ASZ1: variants seen among roughly 807,000 people sequenced by gnomAD.
ASZ1 encodes the protein ankyrin repeat, SAM and basic leucine zipper domain-containing protein 1.
ASZ1 carries 67 observed loss-of-function variants against 61.8 expected under a neutral mutation model. The ratio of observed to expected loss-of-function variants is 1.08; its 90% CI spans 0.89 to 1.33. ASZ1 has a LOEUF of 1.33. Ranked by LOEUF, ASZ1 falls within the 40% of genes most tolerant of loss-of-function variation. ASZ1 has a pLI of 0.00. For synonymous variants in ASZ1, 193 were observed against 192.7 expected, an observed-to-expected ratio of 1.00 and a Z score of -0.01; for missense variants, 577 against 554.5, an observed-to-expected ratio of 1.04 and a Z score of -0.41.
intron 4 of ASZ1, among the ~76,000 whole-genome samples, chr7:117,402,033 G>A (rs1347965124): frequency 1.3e-5 from 2 of 152,238 alleles, no homozygotes; most frequent in African/African-American, 2.4e-5. Context: ...AGTATGTGCA[G>A]CCAAATGCTG....
chr7:117,417,338 T>C (rs752373511), intron 4 of ASZ1, among the ~76,000 whole-genome samples: 6 of 152,338 alleles, frequency 3.9e-5, no homozygotes, highest in South Asian at 4.1e-4. Flanking sequence ...AGCAATGGCA[T>C]TGCTCAACAA....
intron 4 of ASZ1, among the ~76,000 whole-genome samples, chr7:117,416,368 G>A (rs779797251): frequency 1.3e-5 from 2 of 152,084 alleles, no homozygotes; most frequent in African/African-American, 4.8e-5. Context: ...ATGAAATCTT[G>A]TTAACAACTT....
chr7:117,383,501 G>C (rs767196707), intron 6 of ASZ1, among the ~76,000 whole-genome samples: 1 of 151,872 alleles, frequency 6.6e-6, no homozygotes, highest in Non-Finnish European at 1.5e-5. Flanking sequence ...ATTCCATTTG[G>C]ATAAATGACT....
At position 117,427,392 on chromosome 7, in the gene ASZ1, A is replaced by G. The variant is rs1317153032; in HGVS notation, c.69T>C (p.Asp23=). ...GGGESSESED[D]GWEIGYLDRT... is the part of the protein sequence containing the mutation. ...GGTCGAGATACCCAATCTCCCAGCC[A>G]TCATCCTCGCTCTCGCTACTCTCGC... The change falls in exon 1 of 13, where the codon GAT becomes GAC. Residue 23 remains aspartate, a synonymous_variant. Coordinates refer to ENST00000284629, the MANE Select transcript of ASZ1 (RefSeq NM_130768.3). The G allele has an allele frequency of 1.2e-6, 2 of 1,614,210 alleles. No individual in the cohort carries two copies. The highest frequency in any genetic ancestry group is 2.2e-5 in the East Asian group (1 of 44,888).
chr7:117,373,640 T>C (rs2116454051), intron 10 of ASZ1, among the ~76,000 whole-genome samples: 1 of 152,270 alleles, frequency 6.6e-6, no homozygotes, highest in Admixed American at 6.5e-5. Context: ...TAAAACCTTT[T>C]CCATAACAGC....
intron 1 of ASZ1, 125 bp downstream of exon 1, chr7:117,427,231 T>C: frequency 6.0e-6 from 7 of 1,157,906 alleles, no homozygotes; most frequent in African/African-American, 1.5e-5. Flanking sequence ...CAAACTCCCG[T>C]ATTTCCACTG....
chr7:117,415,345 T>A (rs1796970268), intron 4 of ASZ1, among the ~76,000 whole-genome samples: 1 of 152,230 alleles, frequency 6.6e-6, no homozygotes, highest in African/African-American at 2.4e-5. Context: ...GAATCATCTT[T>A]TGTCCGGCAT....
At chr7:117,368,235 T>G (rs1157193242) in intron 11 of ASZ1, 8 of 970,428 alleles carry the variant, frequency 8.2e-6, no homozygotes, top group Non-Finnish European at 9.8e-6. Context: ...CCACTTACAC[T>G]CTTCCTATTC....
rs10625452 is a variant in ASZ1, at chr7:117,426,488, C to CAAA, written c.205+345_205+347dup. On this transcript the variant is annotated intron_variant, in intron 2 of 12. Transcript: ENST00000284629. ...TGGGCCACAGAGCAAGATAACATCT[C>CAAA]AAAAAAAAAAAAAAAAAAAAAAGAA... is the stretch of plus-strand genomic sequence containing the variant. 6.7e-3 allele frequency among the ~76,000 whole-genome samples: 224 copies of CAAA among 33,672 alleles called. 2 individuals are homozygous for CAAA. Among genetic ancestry groups the CAAA allele is most frequent in the African/African-American group, 0.02 (151 of 7,720 alleles). The allele number at this position is 33,672 out of a possible 152,430, so 22.1% of individuals were successfully genotyped here.
chr7:117,394,517 A>G (rs1433282082), intron 4 of ASZ1, among the ~76,000 whole-genome samples: 1 of 152,330 alleles, frequency 6.6e-6, no homozygotes, highest in Non-Finnish European at 1.5e-5. Context: ...TTAAAAATGT[A>G]TATATATTTA....
intron 11 of ASZ1, chr7:117,367,730 T>A: frequency 5.2e-6 from 5 of 954,972 alleles, no homozygotes; most frequent in Non-Finnish European, 6.4e-6. Context: ...GATGAACAAA[T>A]CAGTTCATGA....
chr7:117,422,922 T>C (rs1797125804), intron 2 of ASZ1, among the ~76,000 whole-genome samples: 1 of 152,150 alleles, frequency 6.6e-6, no homozygotes, highest in Non-Finnish European at 1.5e-5. Flanking sequence ...ACATATGTAT[T>C]ATAAAGACAA....
At chr7:117,373,536 T>C (rs1028475615) in intron 10 of ASZ1, among the ~76,000 whole-genome samples, 1 of 152,202 alleles carries the variant, frequency 6.6e-6, no homozygotes, top group Non-Finnish European at 1.5e-5. Context: ...ACCAGGAGAT[T>C]ATAATCAATC....
chr7:117,417,529 ATTCTC>A (rs774830792), intron 4 of ASZ1, among the ~76,000 whole-genome samples: 3 of 152,154 alleles, frequency 2.0e-5, no homozygotes, highest in Non-Finnish European at 4.4e-5. Context: ...TAGCTATAAA[ATTCTC>A]TTCAAATTTC....
intron 4 of ASZ1, among the ~76,000 whole-genome samples, chr7:117,402,047 C>T (rs886495648): frequency 1.3e-5 from 2 of 152,088 alleles, no homozygotes; most frequent in African/African-American, 2.4e-5. Flanking sequence ...AATGCTGTGG[C>T]AGCAATACAA....
rs140762124 is a variant in ASZ1, at chr7:117,374,395, A to C, written c.1055+5543T>G. 1.8e-3 allele frequency among the ~76,000 whole-genome samples: 276 copies of C among 152,204 alleles called. 2 individuals carry two copies. The highest frequency in any genetic ancestry group is 6.5e-3 in the African/African-American group (271 of 41,572). Reference sequence around the variant, plus strand: ...AGTCATGTCCCAGGCAATGGATAACATGGTTAATATATACACCAAGCTCCT... The same window carrying C: ...AGTCATGTCCCAGGCAATGGATAACCTGGTTAATATATACACCAAGCTCCT... On this transcript the variant is annotated intron_variant, in intron 10 of 12. Coordinates refer to ENST00000284629, the MANE Select transcript of ASZ1 (RefSeq NM_130768.3).
In ASZ1 at chr7:117,368,677, G is replaced by A. The variant is rs1795990815; in HGVS notation, c.1096C>T (p.Gln366Ter). Residue 366 changes from glutamine (Q) to a stop codon, truncating the protein, a stop_gained, in exon 11 of 13, where the codon CAG becomes TAG. Coordinates refer to ENST00000284629, the MANE Select transcript of ASZ1 (RefSeq NM_130768.3). LOFTEE classifies it high-confidence loss of function. ...FLNFLLKLNK[Q>*]CGHLITAVQN... ...ACAGCTGTTATTAAATGGCCACACTGTTTATTTAATTTGAGAAGAAAGTTG... is the reference window on the plus strand; with the variant it reads ...ACAGCTGTTATTAAATGGCCACACTATTTATTTAATTTGAGAAGAAAGTTG... The A allele has an allele frequency of 6.2e-7, 1 of 1,612,778 alleles. No individual in the cohort carries two copies. The highest frequency in any genetic ancestry group is 1.7e-5 in the Admixed American group (1 of 59,934).
intron 10 of ASZ1, among the ~76,000 whole-genome samples, chr7:117,377,489 T>C (rs1227073935): frequency 6.6e-6 from 1 of 152,078 alleles, no homozygotes; most frequent in African/African-American, 2.4e-5. Flanking sequence ...CATTGTGCCA[T>C]TGTTCTCCAA....
intron 12 of ASZ1, among the ~76,000 whole-genome samples, chr7:117,365,470 T>C (rs550018320): frequency 9.8e-5 from 15 of 152,336 alleles, no homozygotes; most frequent in African/African-American, 1.4e-4. Context: ...AATTTCATTT[T>C]AATTCTATAC....
Sources: gnomAD v4.1 joint callset for allele counts (sites outside exome capture counted in the v4.1 genomes callset) on GRCh38, gnomAD v4.1.1 for gene constraint, MANE v1.5 for transcripts, NCBI Gene and HGNC (gene_info 2026-07-23, HGNC 2026-07-21) for gene names.